Variants in ANO4 observed in about 807,000 individuals in gnomAD.
ANO4 encodes anoctamin-4.
ANO4 carries 69 observed loss-of-function variants against 141.9 expected under a neutral mutation model. That is an observed-to-expected ratio of 0.49 (90% CI 0.40 to 0.59). ANO4 has a LOEUF of 0.59. Ranked by LOEUF, ANO4 falls within the 20% of genes least tolerant of loss-of-function variation. The probability of loss-of-function intolerance (pLI) is 0.00; values close to 1 mark genes in which losing one functional copy is unlikely to be tolerated. For missense variants in ANO4, 894 were observed against 1,162.2 expected (o/e 0.77, Z 3.36); for synonymous variants, 350 against 394.3 (o/e 0.89, Z 1.33).
At chr12:100,894,103 A>G (rs1037504161) in intron 1 of ANO4, among the ~76,000 whole-genome samples, 1 of 152,200 alleles carries the variant, frequency 6.6e-6, no homozygotes, top group Non-Finnish European at 1.5e-5. Context: ...ACGCTCAGTT[A>G]ACGTGGCTTT....
chr12:101,090,072 G>A (rs1313677338), intron 17 of ANO4, among the ~76,000 whole-genome samples: 1 of 152,172 alleles, frequency 6.6e-6, no homozygotes, highest in African/African-American at 2.4e-5. Flanking sequence ...CAGTTAGAAT[G>A]GTGATCCTTA....
chr12:100,815,095 A>C (rs1163593763), intron 1 of ANO4, among the ~76,000 whole-genome samples: 3 of 152,102 alleles, frequency 2.0e-5, no homozygotes, highest in Non-Finnish European at 4.4e-5. Context: ...GCAAGTGCAT[A>C]AGTGATGGTG....
chr12:100,888,970 G>A (rs2039972928), intron 1 of ANO4, among the ~76,000 whole-genome samples: 1 of 151,522 alleles, frequency 6.6e-6, no homozygotes, highest in Non-Finnish European at 1.5e-5. Flanking sequence ...ATGCTGCTGT[G>A]CTGCACCCAT....
chr12:100,995,479 A>G (rs543016567), intron 8 of ANO4, among the ~76,000 whole-genome samples: 27 of 152,308 alleles, frequency 1.8e-4, no homozygotes, highest in African/African-American at 6.5e-4. Flanking sequence ...AACTTTTGAC[A>G]GTGTCATTCT....
intron 5 of ANO4, among the ~76,000 whole-genome samples, chr12:100,944,070 A>G (rs1334485699): frequency 1.3e-5 from 2 of 152,234 alleles, no homozygotes; most frequent in African/African-American, 2.4e-5. Context: ...TAAGCTTCAT[A>G]AGTATTCTCT....
At chr12:101,102,117 C>T (rs773203421) in intron 22 of ANO4, among the ~76,000 whole-genome samples, 51 of 152,084 alleles carry the variant, frequency 3.4e-4, no homozygotes, top group Non-Finnish European at 2.5e-4. Context: ...TTTATCCATC[C>T]ATTCTACTGC....
At chr12:100,881,093 A>G (rs1044131320) in intron 1 of ANO4, among the ~76,000 whole-genome samples, 30 of 140,004 alleles carry the variant, frequency 2.1e-4, no homozygotes, top group African/African-American at 7.5e-4. Flanking sequence ...ATGTCCCTAC[A>G]TGGACACAGG....
chr12:100,896,033 A>G (rs1228030844), intron 1 of ANO4, among the ~76,000 whole-genome samples: 1 of 152,100 alleles, frequency 6.6e-6, no homozygotes, highest in Non-Finnish European at 1.5e-5. Flanking sequence ...ACAGATGGAG[A>G]TAAGGAGTGC....
At chr12:100,967,907 G>A (rs1387351569) in intron 5 of ANO4, among the ~76,000 whole-genome samples, 1 of 152,148 alleles carries the variant, frequency 6.6e-6, no homozygotes, top group Non-Finnish European at 1.5e-5. Context: ...TCAAAAGGAA[G>A]TTAAAAGGTG....
At chr12:101,084,762 T>G (rs1401024270) in intron 16 of ANO4, among the ~76,000 whole-genome samples, 1 of 152,250 alleles carries the variant, frequency 6.6e-6, no homozygotes, top group Non-Finnish European at 1.5e-5. Flanking sequence ...TTTATTGTAT[T>G]GTTTCTTACA....
intron 14 of ANO4, chr12:101,066,914 C>T (rs1025588243): frequency 2.4e-6 from 2 of 835,922 alleles, no homozygotes; most frequent in African/African-American, 3.4e-5. Context: ...ATTTCAGAAT[C>T]CAGAGTTTTC....
intron 24 of ANO4, 97 bp from the exon 25 acceptor site, chr12:101,116,582 T>C: frequency 1.3e-6 from 2 of 1,563,374 alleles, no homozygotes; most frequent in Non-Finnish European, 1.8e-6. Flanking sequence ...TAAAGGCATT[T>C]ACAATTGCAG....
intron 1 of ANO4, among the ~76,000 whole-genome samples, chr12:100,858,827 A>C (rs2135880903): frequency 6.6e-6 from 1 of 152,100 alleles, no homozygotes; most frequent in South Asian, 2.1e-4. Flanking sequence ...TTCCACCCCC[A>C]GTTCCCTCAT....
At chr12:101,000,498 A>C (rs879389537) in intron 8 of ANO4, among the ~76,000 whole-genome samples, 1 of 152,184 alleles carries the variant, frequency 6.6e-6, no homozygotes, top group African/African-American at 2.4e-5. Context: ...CAGAGGTACC[A>C]AGATTGATTT....
chr12:100,783,512 G>A (rs924370699), intron 3 of ANO4, among the ~76,000 whole-genome samples: 10 of 152,140 alleles, frequency 6.6e-5, no homozygotes, highest in African/African-American at 2.2e-4. Flanking sequence ...ACTTCCTGAA[G>A]CACAAATCTG....
chr12:100,911,860 G>A (rs1436140547), intron 2 of ANO4, among the ~76,000 whole-genome samples: 1 of 152,034 alleles, frequency 6.6e-6, no homozygotes, highest in African/African-American at 2.4e-5. Flanking sequence ...ACAAAAATAA[G>A]GAAAAGATAA....
At chr12:101,048,163 C>A in intron 13 of ANO4, 178 bp from the exon 14 acceptor site, 1 of 1,011,862 alleles carries the variant, frequency 9.9e-7, no homozygotes. Context: ...TATGAACTAC[C>A]TTGCAATTAG....
Position 101,126,760 on chromosome 12 carries a change from C to G in ANO4, c.2677-119C>G, listed in dbSNP as rs1330403567. On this transcript the variant is annotated intron_variant, in intron 26 of 27. Transcript: ENST00000392977. ...ATCATCTTGCATTACACACGCCTCC[C>G]CTGGTCACTTTGCACTCTCCACATA... is the stretch of plus-strand genomic sequence containing the variant. 8.1e-6 allele frequency: 7 copies of G among 861,268 alleles called. No homozygotes were observed. The East Asian group carries it at 1.9e-4, about 23-fold the overall frequency. 53.4% of individuals were successfully genotyped at this position (861,268 alleles called of 1,614,324 possible). A position where few individuals can be genotyped will look rare whatever the true frequency, so the allele number is the denominator to read the frequency against.
At chr12:100,773,348 A>C (rs567620629) in intron 3 of ANO4, among the ~76,000 whole-genome samples, 1 of 152,342 alleles carries the variant, frequency 6.6e-6, no homozygotes, top group East Asian at 1.9e-4. Flanking sequence ...AGGGACTCAG[A>C]GTGTCCTAGA....
Sources: gnomAD v4.1 joint callset for allele counts (sites outside exome capture counted in the v4.1 genomes callset) on GRCh38, gnomAD v4.1.1 for gene constraint, MANE v1.5 for transcripts, NCBI Gene and HGNC (gene_info 2026-07-23, HGNC 2026-07-21) for gene names.